KCNQ1OT1: variants seen among roughly 807,000 people sequenced by gnomAD.
KCNQ1OT1 encodes KCNQ1 opposite strand/antisense transcript 1.
In KCNQ1OT1 at chr11:2,698,460, C is replaced by T; in HGVS notation, n.1535G>A. 2.5e-6 allele frequency: 1 copy of T among 398,544 alleles called. No individual in the cohort carries two copies. Among genetic ancestry groups the T allele is most frequent in the South Asian group, 1.3e-4 (1 of 7,854 alleles). The allele number at this position is 398,544 out of a possible 1,614,324, so 24.7% of individuals were successfully genotyped here. On this transcript the variant is annotated non_coding_transcript_exon_variant, in exon 1 of 1. Transcript: ENST00000597346. The surrounding 1 kb of genome is among the most constrained non-coding windows in gnomAD (Gnocchi z 5.1). Reference sequence around the variant, plus strand: ...CAGACTGAGACCTGCATCTGATCAACTCTCATCTCCAATATGACCAAGAGA... The same window carrying T: ...CAGACTGAGACCTGCATCTGATCAATTCTCATCTCCAATATGACCAAGAGA...
rs931227369 is a variant in KCNQ1OT1 at position 2,647,717 on chromosome 11, C to A, written n.52278G>T. ...AGATTTTTTTTCTTCCTGGTTCAATCTTGGGAGGTTATATATGTCCAGGAA... is the reference window on the plus strand; with the variant it reads ...AGATTTTTTTTCTTCCTGGTTCAATATTGGGAGGTTATATATGTCCAGGAA... On this transcript the variant is annotated non_coding_transcript_exon_variant, in exon 1 of 1. Coordinates refer to ENST00000597346, the Ensembl canonical transcript of KCNQ1OT1. This position sits in a 1 kb window ranked among gnomAD's most constrained non-coding sequence, Gnocchi z 4.0. 2.5e-6 allele frequency: 1 copy of A among 398,392 alleles called. No homozygotes were observed. Among genetic ancestry groups the A allele is most frequent in the East Asian group, 3.6e-5 (1 of 28,046 alleles). 24.7% of individuals were successfully genotyped at this position (398,392 alleles called of 1,614,324 possible).
chr11:2,655,422 G>A (rs1486489235), exon 1 of KCNQ1OT1: 4 of 398,550 alleles, frequency 1.0e-5, no homozygotes, highest in Non-Finnish European at 1.8e-5. Flanking sequence ...TGTCCCCAGG[G>A]CCAGCCACTC....
rs1412128013 is a variant in KCNQ1OT1 at position 2,651,278 on chromosome 11, A to G, written n.48717T>C. 6 of 398,674 alleles carry G rather than the reference A, an allele frequency of 1.5e-5. No homozygotes were observed. The highest frequency in any genetic ancestry group is 2.7e-5 in the Non-Finnish European group (6 of 226,090). The allele number at this position is 398,674 out of a possible 1,614,324, so 24.7% of individuals were successfully genotyped here. On this transcript the variant is annotated non_coding_transcript_exon_variant, in exon 1 of 1. Transcript: ENST00000597346. The surrounding 1 kb of genome is among the most constrained non-coding windows in gnomAD (Gnocchi z 6.1). The stretch of plus-strand genomic sequence containing the variant: ...AGCTGTGCTGGTCACTTATTGAGAA[A>G]GAGCTTCATGGTGGGCAGCTGGGAA...
exon 1 of KCNQ1OT1, chr11:2,650,390 T>C (rs937995862): frequency 1.3e-5 from 5 of 398,494 alleles, no homozygotes; most frequent in Non-Finnish European, 1.8e-5. Context: ...GACTTCCAAT[T>C]TTATGGAGTA....
rs1850619516 is a variant in KCNQ1OT1 at position 2,693,327 on chromosome 11, C to G, written n.6668G>C. The G allele has an allele frequency of 1.0e-5, 4 of 398,770 alleles. No individual in the cohort carries two copies. The South Asian group carries it at 5.1e-4, about 51-fold the overall frequency. 24.7% of individuals were successfully genotyped at this position (398,770 alleles called of 1,614,324 possible). A position where few individuals can be genotyped will look rare whatever the true frequency, so the allele number is the denominator to read the frequency against. The stretch of plus-strand genomic sequence containing the variant: ...ACCCACAGGCCTGGGCCCTCTCTCC[C>G]TGCCCTGAAGCCAACCAGACCCTGG... On this transcript the variant is annotated non_coding_transcript_exon_variant, in exon 1 of 1. Coordinates refer to ENST00000597346, the Ensembl canonical transcript of KCNQ1OT1.
At chr11:2,696,242 C>A (rs1181300554) in exon 1 of KCNQ1OT1, 1 of 398,530 alleles carries the variant, frequency 2.5e-6, no homozygotes, top group Non-Finnish European at 4.4e-6. Context: ...ATGGCAACTA[C>A]CTTTTGCTTT....
rs1849588757 is a variant in KCNQ1OT1, at chr11:2,642,079, G to A, written n.57916C>T. 1 of 398,256 alleles carries A rather than the reference G, an allele frequency of 2.5e-6. No individual in the cohort carries two copies. Among genetic ancestry groups the A allele is most frequent in the African/African-American group, 2.1e-5 (1 of 48,676 alleles). 24.7% of individuals were successfully genotyped at this position (398,256 alleles called of 1,614,324 possible). On this transcript the variant is annotated non_coding_transcript_exon_variant, in exon 1 of 1. Coordinates refer to ENST00000597346, the Ensembl canonical transcript of KCNQ1OT1. This position sits in a 1 kb window ranked among gnomAD's most constrained non-coding sequence, Gnocchi z 4.3. ...TGATGCATCCAACTTTGTTATTTTT[G>A]CTCAGAATTGCTGTGGCTATTCCAG...
At chr11:2,630,291 G>A (rs1253001167) in exon 1 of KCNQ1OT1, 1 of 397,940 alleles carries the variant, frequency 2.5e-6, no homozygotes, top group African/African-American at 2.1e-5. Context: ...TTTTTTTAAT[G>A]TGCTGTTAAA....
chr11:2,685,344 G>A, exon 1 of KCNQ1OT1: 2 of 398,670 alleles, frequency 5.0e-6, no homozygotes, highest in Non-Finnish European at 4.4e-6. Flanking sequence ...ATGTCATGGA[G>A]GGTACATGGG....
rs1850143344 is a variant in KCNQ1OT1, at chr11:2,669,472, C to T, written n.30523G>A. On this transcript the variant is annotated non_coding_transcript_exon_variant, in exon 1 of 1. Transcript: ENST00000597346. This position sits in a 1 kb window ranked among gnomAD's most constrained non-coding sequence, Gnocchi z 5.6. ...GCCCTGTAGTTTTCAGTGTGGTGGT[C>T]ATGAACAGCTTGTCAGATTCATTCC... 2.5e-6 allele frequency: 1 copy of T among 398,446 alleles called. No individual in the cohort carries two copies. Among genetic ancestry groups the T allele is most frequent in the Non-Finnish European group, 4.4e-6 (1 of 226,076 alleles). The allele number at this position is 398,446 out of a possible 1,614,324, so 24.7% of individuals were successfully genotyped here. A position where few individuals can be genotyped will look rare whatever the true frequency, so the allele number is the denominator to read the frequency against.
At position 2,691,305 on chromosome 11, in the gene KCNQ1OT1, T is replaced by C. The variant is rs1052067079; in HGVS notation, n.8690A>G. On this transcript the variant is annotated non_coding_transcript_exon_variant, in exon 1 of 1. Transcript: ENST00000597346. The surrounding 1 kb of genome is among the most constrained non-coding windows in gnomAD (Gnocchi z 6.4). ...AGGAGAGCTGACAAGAAAAAGGCGA[T>C]GTCTCACCCCTGAGCTACAATCCAC... 3.0e-5 allele frequency: 12 copies of C among 398,518 alleles called. No homozygotes were observed. Among genetic ancestry groups the C allele is most frequent in the Admixed American group, 1.3e-4 (3 of 22,722 alleles). 24.7% of individuals were successfully genotyped at this position (398,518 alleles called of 1,614,324 possible). A position where few individuals can be genotyped will look rare whatever the true frequency, so the allele number is the denominator to read the frequency against.
exon 1 of KCNQ1OT1, chr11:2,643,012 G>A: frequency 2.5e-6 from 1 of 397,892 alleles, no homozygotes; most frequent in Non-Finnish European, 4.4e-6. Context: ...ATTGTGGTCT[G>A]AGAAGATATG....
At chr11:2,655,587 A>G (rs1324658411) in exon 1 of KCNQ1OT1, 1 of 398,560 alleles carries the variant, frequency 2.5e-6, no homozygotes, top group Non-Finnish European at 4.4e-6. Context: ...GGTGGGGGTG[A>G]CAAGCAAGAC....
At position 2,661,421 on chromosome 11, in the gene KCNQ1OT1, G is replaced by T. The variant is rs1305767647; in HGVS notation, n.38574C>A. ...GAGGGACTCCTGTGCCTCATTGGGG[G>T]TACAACTGGTTGATGTAGCATCGTG... On this transcript the variant is annotated non_coding_transcript_exon_variant, in exon 1 of 1. Coordinates refer to ENST00000597346, the Ensembl canonical transcript of KCNQ1OT1. This position sits in a 1 kb window ranked among gnomAD's most constrained non-coding sequence, Gnocchi z 5.9. The T allele has an allele frequency of 4.7e-6, 2 of 422,462 alleles. No homozygotes were observed. Among genetic ancestry groups the T allele is most frequent in the African/African-American group, 2.0e-5 (1 of 49,282 alleles). 26.2% of individuals were successfully genotyped at this position (422,462 alleles called of 1,614,324 possible).
chr11:2,624,707 T>G lies in KCNQ1OT1; in HGVS notation n.75288A>C. On this transcript the variant is annotated non_coding_transcript_exon_variant, in exon 1 of 1. Coordinates refer to ENST00000597346, the Ensembl canonical transcript of KCNQ1OT1. The surrounding 1 kb of genome is among the most constrained non-coding windows in gnomAD (Gnocchi z 4.9). ...CCATAACACTTGTCATTTGTAATTA[T>G]GAAACTCTATATCCATTAAACAATA... 1 of 398,590 alleles carries G rather than the reference T, an allele frequency of 2.5e-6. No homozygotes were observed. The highest frequency in any genetic ancestry group is 4.4e-6 in the Non-Finnish European group (1 of 226,048). 24.7% of individuals were successfully genotyped at this position (398,590 alleles called of 1,614,324 possible).
exon 1 of KCNQ1OT1, chr11:2,662,277 T>A: frequency 1.6e-6 from 1 of 630,694 alleles, no homozygotes; most frequent in Non-Finnish European, 2.8e-6. Context: ...CCACTGAGCC[T>A]GGGAACATGA....
In KCNQ1OT1 at chr11:2,690,167, G is replaced by A. The variant is rs1850565433; in HGVS notation, n.9828C>T. 2.5e-6 allele frequency: 1 copy of A among 398,828 alleles called. No individual in the cohort carries two copies. Among genetic ancestry groups the A allele is most frequent in the East Asian group, 3.6e-5 (1 of 28,082 alleles). 24.7% of individuals were successfully genotyped at this position (398,828 alleles called of 1,614,324 possible). ...AGCCCTCCCCAGCATGACAGGATGT[G>A]GAAGGCTGGTCTCTCCAGAGACTGG... is the stretch of plus-strand genomic sequence containing the variant. On this transcript the variant is annotated non_coding_transcript_exon_variant, in exon 1 of 1. Coordinates refer to ENST00000597346, the Ensembl canonical transcript of KCNQ1OT1. The surrounding 1 kb of genome is among the most constrained non-coding windows in gnomAD (Gnocchi z 5.1).
chr11:2,628,702 T>C (rs547734938), exon 1 of KCNQ1OT1: 70 of 398,420 alleles, frequency 1.8e-4, no homozygotes, highest in Middle Eastern at 1.3e-3. Context: ...ATCTAAAAAA[T>C]TGTCACAAAA....
rs139645350 is a variant in KCNQ1OT1, at chr11:2,616,586, C to T, written n.83409G>A. On this transcript the variant is annotated non_coding_transcript_exon_variant, in exon 1 of 1. Transcript: ENST00000597346. ...TCCCATAAGTCTGAGTATGTTGTGT[C>T]GTCATTTTCACTTTTTGAAAGTATT... The T allele has an allele frequency of 1.2e-3, 458 of 397,982 alleles. 2 individuals are homozygous for T. The highest frequency in any genetic ancestry group is 8.1e-3 in the African/African-American group (396 of 48,668). The allele number at this position is 397,982 out of a possible 1,614,324, so 24.7% of individuals were successfully genotyped here.
Sources: gnomAD v4.1 joint callset for allele counts on GRCh38, gnomAD v4.1.1 for gene constraint, Gnocchi (gnomAD v3.1) non-coding constraint, MANE v1.5 for transcripts, NCBI Gene and HGNC (gene_info 2026-07-23, HGNC 2026-07-21) for gene names.